The following PCNX2 variants were observed in gnomAD, a reference collection of about 807,000 sequenced individuals.
PCNX2 encodes pecanex-like protein 2.
In PCNX2, 168 loss-of-function variants were observed where a neutral mutation model predicts 223.8. That is an observed-to-expected ratio of 0.75 (90% CI 0.66 to 0.85). The LOEUF (loss-of-function observed/expected upper bound fraction) is 0.85. Among genes scored for constraint, PCNX2 ranks in the 40% least tolerant of loss-of-function variants. PCNX2 has a pLI of 0.00. For missense variants in PCNX2, 2,507 were observed against 2,675.5 expected (o/e 0.94, Z 1.39); for synonymous variants, 1,006 against 1,052.6 (o/e 0.96, Z 0.86).
intron 21 of PCNX2, among the ~76,000 whole-genome samples, chr1:233,123,950 T>C (rs1436619104): frequency 6.6e-6 from 1 of 152,210 alleles, no homozygotes; most frequent in Non-Finnish European, 1.5e-5. Context: ...AGTTAATGTG[T>C]AAGTTTTTAA....
intron 32 of PCNX2, among the ~76,000 whole-genome samples, chr1:232,996,959 C>T (rs548072465): frequency 2.7e-5 from 4 of 148,934 alleles, no homozygotes; most frequent in African/African-American, 9.9e-5. Flanking sequence ...TGCAGATCTG[C>T]GGAGCTGGAC....
chr1:233,103,213 C>T (rs934369574), intron 21 of PCNX2, among the ~76,000 whole-genome samples: 1 of 152,110 alleles, frequency 6.6e-6, no homozygotes, highest in Admixed American at 6.5e-5. Context: ...GCATGCAATA[C>T]GTAATAATCA....
At chr1:233,257,547 A>G (rs949783812) in intron 5 of PCNX2, among the ~76,000 whole-genome samples, 1 of 152,220 alleles carries the variant, frequency 6.6e-6, no homozygotes, top group Admixed American at 6.5e-5. Context: ...GCATAAATTA[A>G]GAGCGGCAGA....
the PCNX2 span, among the ~76,000 whole-genome samples, chr1:233,320,449 C>CGG: frequency 6.6e-6 from 1 of 151,998 alleles, no homozygotes; most frequent in South Asian, 2.1e-4. Context: ...AGTACAGTTC[C>CGG]ATCCCACAGG....
At chr1:233,129,207 C>T (rs1033158965) in intron 21 of PCNX2, among the ~76,000 whole-genome samples, 13 of 142,248 alleles carry the variant, frequency 9.1e-5, no homozygotes, top group South Asian at 2.3e-4. Flanking sequence ...TGGCGGGCCC[C>T]GCACTCAGAG....
At chr1:233,290,978 A>G (rs956419455) in intron 1 of PCNX2, 20 of 985,218 alleles carry the variant, frequency 2.0e-5, no homozygotes, top group Admixed American at 6.2e-5. Flanking sequence ...TCTTCCCACC[A>G]CTCAACTCTT....
At chr1:232,993,713 T>C (rs1669783782) in intron 32 of PCNX2, among the ~76,000 whole-genome samples, 1 of 152,216 alleles carries the variant, frequency 6.6e-6, no homozygotes, top group African/African-American at 2.4e-5. Context: ...ATCACAGGCC[T>C]GGAGGCCTAG....
chr1:233,102,966 CA>C (rs1674572346), intron 21 of PCNX2, among the ~76,000 whole-genome samples: 2 of 86,166 alleles, frequency 2.3e-5, no homozygotes, highest in South Asian at 5.2e-4. Context: ...AGCATTTCCC[CA>C]GTGTTTTCTT....
chr1:233,189,213 A>G (rs760011616), intron 15 of PCNX2, among the ~76,000 whole-genome samples: 4 of 152,246 alleles, frequency 2.6e-5, no homozygotes, highest in Non-Finnish European at 5.9e-5. Flanking sequence ...TCTGTGTTTC[A>G]GGTTCACCAC....
At chr1:232,984,721 G>A (rs547516952) in intron 33 of PCNX2, 52 of 452,678 alleles carry the variant, frequency 1.1e-4, no homozygotes, top group Admixed American at 5.2e-4. Context: ...GGATGACTGC[G>A]CTGGAAAGAG....
At chr1:233,073,036 A>T (rs111819950) in intron 23 of PCNX2, among the ~76,000 whole-genome samples, 29 of 152,264 alleles carry the variant, frequency 1.9e-4, no homozygotes, top group African/African-American at 6.7e-4. Context: ...GGAGTTTTTT[A>T]AAAAATTACT....
intron 25 of PCNX2, among the ~76,000 whole-genome samples, chr1:233,051,266 C>T (rs1671994714): frequency 6.6e-6 from 1 of 152,200 alleles, no homozygotes; most frequent in South Asian, 2.1e-4. Flanking sequence ...AGTCTAGCCA[C>T]TGTGGAAAGC....
At chr1:233,318,940 T>G in the PCNX2 span, among the ~76,000 whole-genome samples, 1 of 151,910 alleles carries the variant, frequency 6.6e-6, no homozygotes, top group East Asian at 1.9e-4. Flanking sequence ...TCTGCAAGAC[T>G]CTCTCATACT....
At chr1:233,284,945 T>C in intron 1 of PCNX2, 1 of 984,712 alleles carries the variant, frequency 1.0e-6, no homozygotes, top group Non-Finnish European at 1.2e-6. Context: ...ATGCTCCCAG[T>C]CAACCCAAAA....
rs200378482 is a variant in PCNX2, at chr1:233,263,078, C to T, written c.239G>A (p.Arg80His). Reference sequence around the variant, plus strand: ...TCCTTTGTCAAACATGAGGTGTAGGCGATAACTGACCAGTTTGATTATTGT... The same window carrying T: ...TCCTTTGTCAAACATGAGGTGTAGGTGATAACTGACCAGTTTGATTATTGT... ...FFTIIKLVSYRLHLMFDKGEV... is the reference protein window; with the variant it reads ...FFTIIKLVSYHLHLMFDKGEV... The change falls in exon 2 of 34, where the codon CGC becomes CAC. Residue 80 changes from arginine (R) to histidine (H), a missense_variant. Physicochemically the swap from Arg to His is conservative, Grantham distance 29. Coordinates refer to ENST00000258229, the MANE Select transcript of PCNX2 (RefSeq NM_014801.4). 15 of 1,613,376 alleles carry T rather than the reference C, an allele frequency of 9.3e-6. No individual in the cohort carries two copies. The highest frequency in any genetic ancestry group is 1.7e-4 in the Middle Eastern group (1 of 6,058).
intron 25 of PCNX2, among the ~76,000 whole-genome samples, chr1:233,032,402 C>G (rs747104973): frequency 6.6e-6 from 1 of 152,024 alleles, no homozygotes; most frequent in Non-Finnish European, 1.5e-5. Flanking sequence ...CGCACCCAGC[C>G]GACAGTTTTC....
chr1:233,193,780 G>A (rs375341603), intron 15 of PCNX2, among the ~76,000 whole-genome samples: 7 of 152,184 alleles, frequency 4.6e-5, no homozygotes, highest in African/African-American at 1.2e-4. Flanking sequence ...TGGTTCTTTC[G>A]TGAGTTTATC....
intron 25 of PCNX2, among the ~76,000 whole-genome samples, chr1:233,039,522 A>G (rs1197903593): frequency 6.6e-6 from 1 of 152,214 alleles, no homozygotes; most frequent in Non-Finnish European, 1.5e-5. Context: ...GAAACTTGCA[A>G]CTGTCTACCT....
At chr1:233,048,485 A>G (rs1476696215) in intron 25 of PCNX2, among the ~76,000 whole-genome samples, 1 of 152,194 alleles carries the variant, frequency 6.6e-6, no homozygotes, top group Non-Finnish European at 1.5e-5. Context: ...GACACAACAT[A>G]CCAAAATTTC....
Sources: allele counts gnomAD v4.1 joint callset (sites outside exome capture counted in the v4.1 genomes callset), GRCh38; gene constraint gnomAD v4.1.1; transcripts MANE v1.5; gene names NCBI Gene and HGNC (gene_info 2026-07-23, HGNC 2026-07-21).